The following DLGAP2 variants were observed in gnomAD, a reference collection of about 807,000 sequenced individuals.
DLGAP2 encodes disks large-associated protein 2.
Under a neutral mutation model 100.3 loss-of-function variants are expected in DLGAP2, and 26 were observed. The ratio of observed to expected loss-of-function variants is 0.26; its 90% CI spans 0.19 to 0.36. The LOEUF is 0.36. Among genes scored for constraint, DLGAP2 ranks in the 10% least tolerant of loss-of-function variants. The probability of loss-of-function intolerance (pLI) is 1.00; values close to 1 mark genes in which losing one functional copy is unlikely to be tolerated. For synonymous variants in DLGAP2, 886 were observed against 630.1 expected, an observed-to-expected ratio of 1.41 and a Z score of -6.08; for missense variants, 1,858 against 1,453.2, an observed-to-expected ratio of 1.28 and a Z score of -4.53.
rs1337480435 is a variant in DLGAP2 at position 1,678,787 on chromosome 8, GAT to G, written c.2704+162_2704+163del. On this transcript the variant is annotated intron_variant, in intron 12 of 14. Coordinates refer to ENST00000637795, the MANE Select transcript of DLGAP2 (RefSeq NM_001346810.2). The stretch of plus-strand genomic sequence containing the variant: ...TATATCCCCCTCAATTCTAAGAAAA[GAT>G]ATAAATTACATGAAAAGAGAAGCAG... 4 of 798,878 alleles carry G rather than the reference GAT, an allele frequency of 5.0e-6. No homozygotes were observed. In the African/African-American group the frequency reaches 7.1e-5, roughly 14 times the overall value. The allele number at this position is 798,878 out of a possible 1,614,324, so 49.5% of individuals were successfully genotyped here.
Position 1,373,303 on chromosome 8 carries a change from C to T in DLGAP2, c.106+114420C>T, listed in dbSNP as rs780472514. The stretch of plus-strand genomic sequence containing the variant: ...CCCGGAGGGTGTCGGGAGCAGGGGC[C>T]GCGGGCGGCAGCTGACGGGCGGGCC... On this transcript the variant is annotated intron_variant, in intron 3 of 14. Coordinates refer to ENST00000637795, the MANE Select transcript of DLGAP2 (RefSeq NM_001346810.2). Among the ~76,000 whole-genome samples, 34 of 151,826 alleles carry T rather than the reference C, an allele frequency of 2.2e-4. 1 individual carries two copies. Among genetic ancestry groups the T allele is most frequent in the South Asian group, 4.1e-4 (2 of 4,830 alleles).
chr8:940,967 G>A (rs752627109), intron 2 of DLGAP2, among the ~76,000 whole-genome samples: 9 of 152,106 alleles, frequency 5.9e-5, no homozygotes, highest in Non-Finnish European at 1.0e-4. Context: ...GGGGAGCAGC[G>A]GGGTCACAGT....
rs1026406439 is a variant in DLGAP2, at chr8:1,364,508, G to GT, written c.106+105625_106+105626insT. 3.4e-3 allele frequency among the ~76,000 whole-genome samples: 512 copies of GT among 149,968 alleles called. 6 individuals are homozygous for GT. Among genetic ancestry groups the GT allele is most frequent in the African/African-American group, 0.012 (496 of 40,964 alleles). ...GCGCCGGTCATGGGAAGGGCGGGGG[G>GT]GGTGCAGCGAAGCAGACACATTTTC... On this transcript the variant is annotated intron_variant, in intron 3 of 14. Transcript: ENST00000637795.
intron 1 of DLGAP2, among the ~76,000 whole-genome samples, chr8:879,778 A>G (rs1322122609): frequency 5.9e-5 from 9 of 152,160 alleles, no homozygotes; most frequent in Non-Finnish European, 2.9e-5. Flanking sequence ...AGGGAGAACC[A>G]TGTATCTGGG....
At chr8:1,049,641 T>G (rs1347736817) in intron 2 of DLGAP2, among the ~76,000 whole-genome samples, 1 of 152,026 alleles carries the variant, frequency 6.6e-6, no homozygotes, top group African/African-American at 2.4e-5. Flanking sequence ...TGGATTTACT[T>G]TCAGGACACA....
chr8:774,065 T>C (rs1452492515), intron 1 of DLGAP2, among the ~76,000 whole-genome samples: 3 of 152,204 alleles, frequency 2.0e-5, no homozygotes, highest in Admixed American at 6.5e-5. Context: ...TGGTGTCTCA[T>C]TGTGGTTTTG....
intron 2 of DLGAP2, among the ~76,000 whole-genome samples, chr8:1,010,290 G>C (rs1409781933): frequency 7.3e-6 from 1 of 137,818 alleles, no homozygotes; most frequent in African/African-American, 2.8e-5. Flanking sequence ...ACATATGTGT[G>C]TACACTCAGA....
In DLGAP2 at chr8:1,676,549, A is replaced by G; in HGVS notation, c.2219A>G (p.Asp740Gly). 1 of 1,613,454 alleles carries G rather than the reference A, an allele frequency of 6.2e-7. No individual in the cohort carries two copies. The stretch of plus-strand genomic sequence containing the variant: ...TTGAATTAGGTGGAAACGGCCACAG[A>G]TTCTGACACGGAGAGCCGCGGTCTG... ...YPRSDVETATDSDTESRGLRE... is the reference protein window; with the variant it reads ...YPRSDVETATGSDTESRGLRE... The change falls in exon 11 of 15, where the codon GAT becomes GGT. Residue 740 changes from aspartate to glycine, a missense_variant. Transcript: ENST00000637795.
chr8:1,102,916 GTGAGTCTCTGGGTCCCTA>G (rs1026027245), intron 2 of DLGAP2, among the ~76,000 whole-genome samples: 1 of 151,816 alleles, frequency 6.6e-6, no homozygotes, highest in Non-Finnish European at 1.5e-5. Context: ...AGGGGTCTTT[GTGAGTCTCTGGGTCCCTA>G]TGAGTCTCTG....
chr8:1,284,457 C>A (rs1030537670), intron 3 of DLGAP2, among the ~76,000 whole-genome samples: 1 of 152,072 alleles, frequency 6.6e-6, no homozygotes, highest in African/African-American at 2.4e-5. Context: ...TGGGCTCCAG[C>A]GCTAACGTAA....
chr8:1,190,221 G>C (rs1563242137), intron 2 of DLGAP2, among the ~76,000 whole-genome samples: 1 of 152,162 alleles, frequency 6.6e-6, no homozygotes, highest in Admixed American at 6.5e-5. Context: ...TCCAGATTCT[G>C]GTGGTCTCAC....
chr8:1,667,135 C>G (rs535755006), intron 8 of DLGAP2, among the ~76,000 whole-genome samples: 38 of 152,320 alleles, frequency 2.5e-4, no homozygotes, highest in African/African-American at 7.9e-4. Context: ...TCAAGAAGCA[C>G]TTTTATCAGC....
intron 3 of DLGAP2, among the ~76,000 whole-genome samples, chr8:1,473,836 CT>C (rs1311232859): frequency 2.0e-5 from 3 of 152,174 alleles, no homozygotes; most frequent in Non-Finnish European, 4.4e-5. Flanking sequence ...TCCATTGTCT[CT>C]TGTCTGCCAC....
intron 1 of DLGAP2, among the ~76,000 whole-genome samples, chr8:828,191 G>A (rs1401709821): frequency 1.3e-5 from 2 of 152,258 alleles, no homozygotes; most frequent in Admixed American, 6.5e-5. Flanking sequence ...CAGGAGACAG[G>A]GTTTTGAGAT....
intron 8 of DLGAP2, among the ~76,000 whole-genome samples, chr8:1,640,717 C>A (rs767484833): frequency 8.5e-5 from 13 of 152,164 alleles, no homozygotes; most frequent in Non-Finnish European, 1.9e-4. Flanking sequence ...CTGAGCACAG[C>A]ACCAAGACCG....
At chr8:1,154,539 A>C (rs1796747083) in intron 2 of DLGAP2, among the ~76,000 whole-genome samples, 1 of 152,232 alleles carries the variant, frequency 6.6e-6, no homozygotes, top group Admixed American at 6.5e-5. Context: ...TAAATTAAGC[A>C]ATTTTTCATT....
At chr8:1,284,901 T>C (rs923512215) in intron 3 of DLGAP2, among the ~76,000 whole-genome samples, 3 of 152,234 alleles carry the variant, frequency 2.0e-5, no homozygotes, top group Admixed American at 2.0e-4. Context: ...CTCCTCATTC[T>C]TGACCTTCTG....
At chr8:954,588 A>T (rs1312945492) in intron 2 of DLGAP2, among the ~76,000 whole-genome samples, 1 of 152,248 alleles carries the variant, frequency 6.6e-6, no homozygotes, top group Non-Finnish European at 1.5e-5. Flanking sequence ...GAAACATCCC[A>T]TAGAGAATAA....
At chr8:1,329,927 G>C (rs140189324) in intron 3 of DLGAP2, among the ~76,000 whole-genome samples, 8 of 152,344 alleles carry the variant, frequency 5.3e-5, no homozygotes, top group Middle Eastern at 3.4e-3. Context: ...GCCCTGCCGT[G>C]CAGTAGAACC....
Sources: allele counts gnomAD v4.1 joint callset (sites outside exome capture counted in the v4.1 genomes callset), GRCh38; gene constraint gnomAD v4.1.1; transcripts MANE v1.5; gene names NCBI Gene and HGNC (gene_info 2026-07-23, HGNC 2026-07-21).